Variants in RBMS3 observed in about 807,000 individuals in gnomAD.
RBMS3 encodes the protein RNA binding motif single stranded interacting protein 3, also known as RNA-binding motif, single-stranded-interacting protein 3.
Under a neutral mutation model 66.8 loss-of-function variants are expected in RBMS3, and 27 were observed. That is an observed-to-expected ratio of 0.40 (90% CI 0.30 to 0.56). The LOEUF is 0.56. RBMS3 is among the 20% of genes least tolerant of loss of function. The pLI is 0.40. For synonymous variants in RBMS3, 188 were observed against 183.0 expected (o/e 1.03, Z -0.22); for missense variants, 513 against 549.5 (o/e 0.93, Z 0.66).
At chr3:29,398,875 C>T (rs1416535447) in intron 1 of RBMS3, among the ~76,000 whole-genome samples, 1 of 152,164 alleles carries the variant, frequency 6.6e-6, no homozygotes, top group Non-Finnish European at 1.5e-5. Flanking sequence ...GCTCTGGGAA[C>T]TCAGCTTTAA....
chr3:29,742,538 C>G (rs919145277), intron 5 of RBMS3, among the ~76,000 whole-genome samples: 1 of 152,178 alleles, frequency 6.6e-6, no homozygotes, highest in African/African-American at 2.4e-5. Flanking sequence ...CAGGCAATGG[C>G]TTAAACATCT....
At chr3:29,852,554 GA>G (rs1241720223) in intron 6 of RBMS3, among the ~76,000 whole-genome samples, 1 of 151,954 alleles carries the variant, frequency 6.6e-6, no homozygotes, top group Non-Finnish European at 1.5e-5. Context: ...TCAAACATAT[GA>G]AAAAAAGCTC....
intron 1 of RBMS3, among the ~76,000 whole-genome samples, chr3:29,331,648 C>G (rs2125515308): frequency 6.6e-6 from 1 of 152,086 alleles, no homozygotes; most frequent in Admixed American, 6.6e-5. Flanking sequence ...GACTTCTCAG[C>G]CTCGCGTGGC....
intron 10 of RBMS3, among the ~76,000 whole-genome samples, chr3:29,900,904 C>T (rs1464129306): frequency 6.6e-6 from 1 of 151,742 alleles, no homozygotes; most frequent in Non-Finnish European, 1.5e-5. Context: ...AATACGCAGA[C>T]ATCCATTTCC....
intron 5 of RBMS3, among the ~76,000 whole-genome samples, chr3:29,759,539 G>A (rs989793648): frequency 1.3e-5 from 2 of 152,116 alleles, no homozygotes; most frequent in Non-Finnish European, 2.9e-5. Context: ...AGGCAGCTGT[G>A]TCTGGTGTGC....
intron 3 of RBMS3, among the ~76,000 whole-genome samples, chr3:29,496,436 G>T (rs1576011164): frequency 6.6e-6 from 1 of 152,148 alleles, no homozygotes; most frequent in South Asian, 2.1e-4. Context: ...GTTAGCATAT[G>T]CAGGAACTTT....
intron 1 of RBMS3, among the ~76,000 whole-genome samples, chr3:29,340,338 C>T (rs1363530389): frequency 2.6e-5 from 4 of 152,088 alleles, no homozygotes; most frequent in Non-Finnish European, 5.9e-5. Context: ...TCCTTTAGCA[C>T]ATTTACTTTT....
chr3:29,928,207 TATATACACACAC>T (rs1307055822), intron 10 of RBMS3, among the ~76,000 whole-genome samples: 2 of 112,254 alleles, frequency 1.8e-5, no homozygotes, highest in African/African-American at 7.1e-5. Context: ...TATATATATA[TATATACACACAC>T]ACACACACAC....
At chr3:29,551,507 A>G (rs2046177614) in intron 3 of RBMS3, among the ~76,000 whole-genome samples, 1 of 152,200 alleles carries the variant, frequency 6.6e-6, no homozygotes, top group Admixed American at 6.5e-5. Context: ...TAAATGCTTT[A>G]AAAATTAGAA....
chr3:29,436,576 T>C (rs545439374), intron 2 of RBMS3, among the ~76,000 whole-genome samples: 2 of 152,366 alleles, frequency 1.3e-5, no homozygotes, highest in South Asian at 4.1e-4. Context: ...AACTCTATTT[T>C]GAAAAGCAAG....
chr3:29,835,546 A>G (rs1287913029), intron 6 of RBMS3, among the ~76,000 whole-genome samples: 1 of 151,988 alleles, frequency 6.6e-6, no homozygotes, highest in African/African-American at 2.4e-5. Context: ...GGGTCAAAAA[A>G]ATTAAAAGAT....
chr3:29,941,539 A>G (rs556563414), intron 11 of RBMS3, among the ~76,000 whole-genome samples: 1 of 151,958 alleles, frequency 6.6e-6, no homozygotes, highest in Non-Finnish European at 1.5e-5. Flanking sequence ...AAATTGGTTT[A>G]GTCTTACTTT....
chr3:29,584,350 T>A (rs2047435385), intron 3 of RBMS3, among the ~76,000 whole-genome samples: 1 of 152,238 alleles, frequency 6.6e-6, no homozygotes, highest in African/African-American at 2.4e-5. Context: ...GTTGTTTGAG[T>A]TCTAATCCTG....
intron 2 of RBMS3, among the ~76,000 whole-genome samples, chr3:29,444,788 CTTT>C (rs558839351): frequency 2.2e-4 from 11 of 50,500 alleles, no homozygotes; most frequent in East Asian, 9.3e-4. Context: ...AAATATATGC[CTTT>C]TTTTTTTTTT....
chr3:29,365,953 C>A (rs55780202), intron 1 of RBMS3, among the ~76,000 whole-genome samples: 62,294 of 151,816 alleles, frequency 0.41, 13,736 homozygotes, highest in Non-Finnish European at 0.49. Context: ...TCTCTGGGAA[C>A]CTCATATTTG....
intron 1 of RBMS3, among the ~76,000 whole-genome samples, chr3:29,414,398 G>T (rs761727038): frequency 3.3e-5 from 5 of 152,072 alleles, no homozygotes; most frequent in African/African-American, 4.8e-5. Flanking sequence ...TAACCACCAA[G>T]GTCTTTTAGT....
intron 1 of RBMS3, among the ~76,000 whole-genome samples, chr3:29,315,298 A>C (rs2034604145): frequency 6.6e-6 from 1 of 151,820 alleles, no homozygotes; most frequent in Middle Eastern, 3.4e-3. Flanking sequence ...GTTGAAAAAA[A>C]CCCAAAAATA....
chr3:29,979,165 A>G (rs1481260642), intron 12 of RBMS3, among the ~76,000 whole-genome samples: 1 of 151,362 alleles, frequency 6.6e-6, no homozygotes, highest in Non-Finnish European at 1.5e-5. Flanking sequence ...AAGAAACAAC[A>G]ACAACAACAA....
At chr3:29,308,756 C>A (rs7619665) in intron 1 of RBMS3, among the ~76,000 whole-genome samples, 31,135 of 124,716 alleles carry the variant, frequency 0.25, 3,714 homozygotes, top group Non-Finnish European at 0.27. Flanking sequence ...CAAAAAAAAA[C>A]AAAAAAAAAA....
Sources: allele counts gnomAD v4.1 joint callset (sites outside exome capture counted in the v4.1 genomes callset), GRCh38; gene constraint gnomAD v4.1.1; transcripts MANE v1.5; gene names NCBI Gene and HGNC (gene_info 2026-07-23, HGNC 2026-07-21).